Variants in DHX32 observed in about 807,000 individuals in gnomAD.
DHX32 encodes putative pre-mRNA-splicing factor ATP-dependent RNA helicase DHX32.
A neutral mutation model predicts 70.0 loss-of-function variants in DHX32; 51 were observed. The ratio of observed to expected loss-of-function variants is 0.73; its 90% CI spans 0.58 to 0.92. The LOEUF is 0.92. DHX32 is among the 40% of genes least tolerant of loss of function. DHX32 has a pLI of 0.00. For synonymous variants in DHX32, 310 were observed against 315.3 expected (o/e 0.98, Z 0.18); for missense variants, 762 against 891.8 (o/e 0.85, Z 1.85).
upstream of DHX32, among the ~76,000 whole-genome samples, chr10:125,883,311 G>C (rs1286608364): frequency 6.6e-6 from 1 of 152,224 alleles, no homozygotes; most frequent in Non-Finnish European, 1.5e-5. Context: ...TGGAGAGGTA[G>C]AGTCTATTTC....
rs749963206 is a variant in DHX32, at chr10:125,859,592, C to T, written c.849+11G>A. On this transcript the variant is annotated intron_variant, in intron 3 of 10. Coordinates refer to ENST00000284690, the MANE Select transcript of DHX32 (RefSeq NM_018180.3). Reference sequence around the variant, plus strand: ...CCTTATTACTGTAAGGTTAGAGTATCACTTACTTACTTGTTCACAGGCCAG... The same window carrying T: ...CCTTATTACTGTAAGGTTAGAGTATTACTTACTTACTTGTTCACAGGCCAG... The T allele has an allele frequency of 1.3e-6, 2 of 1,553,234 alleles. No individual in the cohort carries two copies. The highest frequency in any genetic ancestry group is 1.3e-5 in the South Asian group (1 of 79,530).
chr10:125,892,070 A>C lies in DHX32; in HGVS notation c.-248+4148T>G, dbSNP rs570289149. Among the ~76,000 whole-genome samples the C allele has an allele frequency of 2.0e-5, 3 of 152,330 alleles. No homozygotes were observed. In the East Asian group the frequency reaches 5.8e-4, roughly 29 times the overall value. On this transcript the variant is annotated intron_variant, in intron 1 of 2. Transcript: ENST00000415732. ...TCCCAACGTATATGACAGGCATCTC[A>C]AACTGAACACATCTACCCCACTTCT...
intron 6 of DHX32, among the ~76,000 whole-genome samples, chr10:125,849,656 G>A (rs1046301180): frequency 6.6e-5 from 10 of 152,200 alleles, no homozygotes; most frequent in African/African-American, 2.2e-4. Context: ...CAGGCACTGC[G>A]GCAGAGCTAT....
intron 6 of DHX32, among the ~76,000 whole-genome samples, chr10:125,845,687 T>C (rs1944008004): frequency 6.6e-6 from 1 of 152,194 alleles, no homozygotes; most frequent in African/African-American, 2.4e-5. Flanking sequence ...TAGAGTGGCC[T>C]CCATGGTAAA....
At chr10:125,852,723 C>T (rs935385456) in intron 4 of DHX32, 81 bp from the exon 5 acceptor site, 51 of 1,270,686 alleles carry the variant, frequency 4.0e-5, no homozygotes, top group African/African-American at 3.6e-4. Flanking sequence ...GAATATGCTG[C>T]GCAGTACTTT....
intron 10 of DHX32, 101 bp downstream of exon 10, chr10:125,838,105 G>A: frequency 8.8e-7 from 1 of 1,135,574 alleles, no homozygotes; most frequent in South Asian, 1.7e-5. Context: ...GATTGCATCA[G>A]TATAAACTTT....
At chr10:125,853,240 A>C in intron 4 of DHX32, 1 of 1,599,446 alleles carries the variant, frequency 6.3e-7, no homozygotes, top group Non-Finnish European at 8.5e-7. Flanking sequence ...TTGCTCTGTC[A>C]TAATAAGTCA....
At chr10:125,845,730 T>G (rs1944008555) in intron 6 of DHX32, among the ~76,000 whole-genome samples, 1 of 152,242 alleles carries the variant, frequency 6.6e-6, no homozygotes, top group Admixed American at 6.5e-5. Context: ...CCCTGCCCAC[T>G]GGCGGGAGCC....
At chr10:125,885,696 C>A (rs1944337317), upstream of DHX32, among the ~76,000 whole-genome samples, 1 of 152,156 alleles carries the variant, frequency 6.6e-6, no homozygotes, top group Admixed American at 6.5e-5. Flanking sequence ...CAATAAATTA[C>A]CACTCAATTT....
intron 2 of DHX32, among the ~76,000 whole-genome samples, chr10:125,860,752 A>ATTTTTT (rs397747204): frequency 1.7e-4 from 19 of 111,788 alleles, no homozygotes; most frequent in Non-Finnish European, 2.4e-4. Context: ...AACCAATCCC[A>ATTTTTT]TTTTTTTTTT....
intron 1 of DHX32, among the ~76,000 whole-genome samples, chr10:125,888,411 T>C (rs570889721): frequency 6.6e-6 from 1 of 152,268 alleles, no homozygotes; most frequent in East Asian, 1.9e-4. Context: ...TCTCCCTATG[T>C]TGCCCAGGCT....
At chr10:125,881,879 G>C (rs1189169271), upstream of DHX32, among the ~76,000 whole-genome samples, 1 of 152,206 alleles carries the variant, frequency 6.6e-6, no homozygotes, top group Non-Finnish European at 1.5e-5. Context: ...CTGGGCTCAA[G>C]TGGTCTGTCC....
intron 1 of DHX32, among the ~76,000 whole-genome samples, chr10:125,871,912 G>T (rs1031802756): frequency 1.2e-4 from 18 of 150,276 alleles, no homozygotes; most frequent in Admixed American, 2.7e-4. Flanking sequence ...GCCCAGGCTG[G>T]AGTGCAATGG....
At chr10:125,869,409 C>T (rs1243241687) in intron 1 of DHX32, 1 of 152,158 alleles carries the variant, frequency 6.6e-6, no homozygotes, top group African/African-American at 2.4e-5. Flanking sequence ...AACCCTGTCT[C>T]TACTGAAAAT....
At chr10:125,864,918 G>C (rs1944210154) in intron 2 of DHX32, among the ~76,000 whole-genome samples, 2 of 96,266 alleles carry the variant, frequency 2.1e-5, no homozygotes, top group African/African-American at 8.0e-5. Flanking sequence ...AGACAGAGTG[G>C]GACTCTGTCT....
At position 125,880,919 on chromosome 10, in the gene DHX32, C is replaced by G; in HGVS notation, c.-95G>C. ...AACAGGGCTTAAAAGCCTATTTATA[C>G]AAACCCGTATGTTCCAATCTCTAAG... On this transcript the variant is annotated 5_prime_UTR_variant, in exon 1 of 11. Coordinates refer to ENST00000284690, the MANE Select transcript of DHX32 (RefSeq NM_018180.3). 6.4e-6 allele frequency: 9 copies of G among 1,412,206 alleles called. No homozygotes were observed. The South Asian group carries it at 1.1e-4, about 17-fold the overall frequency. 87.5% of individuals were successfully genotyped at this position (1,412,206 alleles called of 1,614,324 possible). A position where few individuals can be genotyped will look rare whatever the true frequency, so the allele number is the denominator to read the frequency against.
At chr10:125,840,750 G>A in intron 8 of DHX32, 97 bp downstream of exon 8, 3 of 1,356,772 alleles carry the variant, frequency 2.2e-6, no homozygotes, top group South Asian at 1.7e-5. Context: ...GGCCAGTAGG[G>A]CTGGCGAAGA....
chr10:125,854,261 A>G (rs892131610), intron 3 of DHX32, 58 bp from the exon 4 acceptor site: 12 of 1,486,836 alleles, frequency 8.1e-6, no homozygotes, highest in Admixed American at 7.8e-5. Flanking sequence ...CACTATTAAA[A>G]AAATGTCTGA....
chr10:125,886,675 C>T (rs1270972122), intron 1 of DHX32, among the ~76,000 whole-genome samples: 3 of 152,312 alleles, frequency 2.0e-5, no homozygotes, highest in Non-Finnish European at 4.4e-5. Context: ...GTAGAGGCTC[C>T]TGGTCGTCCC....
Sources: gnomAD v4.1 joint callset for allele counts (sites outside exome capture counted in the v4.1 genomes callset) on GRCh38, gnomAD v4.1.1 for gene constraint, MANE v1.5 for transcripts, NCBI Gene and HGNC (gene_info 2026-07-23, HGNC 2026-07-21) for gene names.